The following METAP1D variants were observed in gnomAD, a reference collection of about 807,000 sequenced individuals.
METAP1D encodes the protein methionyl aminopeptidase type 1D, mitochondrial.
In METAP1D, 31 loss-of-function variants were observed where a neutral mutation model predicts 40.5. The ratio of observed to expected loss-of-function variants is 0.77; its 90% CI spans 0.58 to 1.03. METAP1D has a LOEUF of 1.03. Among genes scored for constraint, METAP1D ranks in the 50% least tolerant of loss-of-function variants. METAP1D has a pLI of 0.00. For synonymous variants in METAP1D, 151 were observed against 146.4 expected (o/e 1.03, Z -0.22); for missense variants, 411 against 420.7 (o/e 0.98, Z 0.20).
rs1241394042 is a variant in METAP1D, at chr2:172,080,413, G to A, written c.*7G>A. The A allele has an allele frequency of 1.2e-6, 2 of 1,613,850 alleles. No individual in the cohort carries two copies. Among genetic ancestry groups the A allele is most frequent in the Non-Finnish European group, 1.7e-6 (2 of 1,179,788 alleles). On this transcript the variant is annotated 3_prime_UTR_variant, in exon 10 of 10. Coordinates refer to ENST00000315796, the MANE Select transcript of METAP1D (RefSeq NM_199227.3). ...ACTACCCCATGAGGCCTGAGGAGCC[G>A]CCCGAAGGTCGCGGTGACCTGGTGC...
chr2:172,027,051 T>C (rs926320440), intron 1 of METAP1D, among the ~76,000 whole-genome samples: 1 of 152,172 alleles, frequency 6.6e-6, no homozygotes, highest in Non-Finnish European at 1.5e-5. Context: ...TGAGGTTGGA[T>C]ATGCCAAGAT....
rs2105475065 is a variant in METAP1D at position 172,061,426 on chromosome 2, C to A, written c.41-72C>A. 3.0e-6 allele frequency: 4 copies of A among 1,352,248 alleles called. No individual in the cohort carries two copies. In the East Asian group the frequency reaches 7.1e-5, roughly 24 times the overall value. The allele number at this position is 1,352,248 out of a possible 1,614,324, so 83.8% of individuals were successfully genotyped here. ...TAGAATAATGATTTAATAGACAACA[C>A]CACAACATCTTAAAGTGGAGGACTG... On this transcript the variant is annotated intron_variant, in intron 1 of 9. Coordinates refer to ENST00000315796, the MANE Select transcript of METAP1D (RefSeq NM_199227.3).
chr2:172,004,490 A>G (rs1180444128), intron 1 of METAP1D, among the ~76,000 whole-genome samples: 1 of 151,884 alleles, frequency 6.6e-6, no homozygotes, highest in African/African-American at 2.4e-5. Context: ...TGCCCGGCTA[A>G]TTTTTGTATT....
intron 1 of METAP1D, among the ~76,000 whole-genome samples, chr2:172,033,903 C>A (rs1442811772): frequency 6.6e-6 from 1 of 151,686 alleles, no homozygotes; most frequent in Non-Finnish European, 1.5e-5. Flanking sequence ...TGGTGAAACC[C>A]TGTCTCAACT....
intron 1 of METAP1D, among the ~76,000 whole-genome samples, chr2:172,013,203 C>T (rs747149787): frequency 1.3e-5 from 2 of 152,192 alleles, no homozygotes; most frequent in African/African-American, 2.4e-5. Context: ...CTCCGGCTGT[C>T]GAGCAGCAGG....
At chr2:172,073,233 CTT>C (rs1259180674) in intron 6 of METAP1D, among the ~76,000 whole-genome samples, 1 of 152,096 alleles carries the variant, frequency 6.6e-6, no homozygotes, top group Non-Finnish European at 1.5e-5. Context: ...CGACTTAACT[CTT>C]TACAAAAAAG....
chr2:172,080,220 GCT>G lies in METAP1D; in HGVS notation c.929+17_929+18del. 2.5e-6 allele frequency: 4 copies of G among 1,614,120 alleles called. No individual in the cohort carries two copies. Among genetic ancestry groups the G allele is most frequent in the Non-Finnish European group, 3.4e-6 (4 of 1,179,940 alleles). Reference sequence around the variant, plus strand: ...AGACAATCAAAGGTGTTTGCTTTCTGCTCTGTTGCTTTTAAATTGTATGGGAA... The same window carrying G: ...AGACAATCAAAGGTGTTTGCTTTCTGCTGTTGCTTTTAAATTGTATGGGAA... On this transcript the variant is annotated intron_variant, in intron 9 of 9. Transcript: ENST00000315796.
chr2:172,080,555 CTG>C lies in METAP1D; in HGVS notation c.*150_*151del. 3.9e-6 allele frequency: 3 copies of C among 775,232 alleles called. No individual in the cohort carries two copies. Among genetic ancestry groups the C allele is most frequent in the Admixed American group, 2.4e-5 (1 of 42,470 alleles). The allele number at this position is 775,232 out of a possible 1,614,324, so 48.0% of individuals were successfully genotyped here. A position where few individuals can be genotyped will look rare whatever the true frequency, so the allele number is the denominator to read the frequency against. ...AGCGTTTGGAAGAACGCGGGGGAGACTGAAGAGCAACTGGGAACTCGGATCTG... is the reference window on the plus strand; with the variant it reads ...AGCGTTTGGAAGAACGCGGGGGAGACAAGAGCAACTGGGAACTCGGATCTG... On this transcript the variant is annotated 3_prime_UTR_variant, in exon 10 of 10. Coordinates refer to ENST00000315796, the MANE Select transcript of METAP1D (RefSeq NM_199227.3).
At chr2:172,011,700 T>C (rs1688726547) in intron 1 of METAP1D, among the ~76,000 whole-genome samples, 1 of 152,248 alleles carries the variant, frequency 6.6e-6, no homozygotes, top group Non-Finnish European at 1.5e-5. Flanking sequence ...TCATGGTTCA[T>C]CCCTATTGTG....
At chr2:172,026,205 A>G (rs1414358157) in intron 1 of METAP1D, among the ~76,000 whole-genome samples, 3 of 152,116 alleles carry the variant, frequency 2.0e-5, no homozygotes, top group Non-Finnish European at 4.4e-5. Flanking sequence ...TGATGAAACC[A>G]GGTCATTTGT....
chr2:172,011,401 C>T (rs188877607), intron 1 of METAP1D, among the ~76,000 whole-genome samples: 63 of 151,868 alleles, frequency 4.1e-4, no homozygotes, highest in African/African-American at 1.4e-3. Flanking sequence ...TCTCCTGCCT[C>T]AGCCTCCAGA....
intron 1 of METAP1D, among the ~76,000 whole-genome samples, chr2:172,023,160 C>T (rs1689044982): frequency 1.3e-5 from 2 of 152,290 alleles, no homozygotes; most frequent in South Asian, 4.1e-4. Flanking sequence ...TGTACTCCTG[C>T]CTGGGCAACA....
intron 1 of METAP1D, among the ~76,000 whole-genome samples, chr2:172,007,392 ATGT>A (rs1688612456): frequency 6.6e-6 from 1 of 152,072 alleles, no homozygotes; most frequent in South Asian, 2.1e-4. Context: ...GGTGGAGATT[ATGT>A]TGTTTTTCTT....
chr2:172,029,928 G>A (rs1032927348), intron 1 of METAP1D, among the ~76,000 whole-genome samples: 1 of 151,214 alleles, frequency 6.6e-6, no homozygotes, highest in Non-Finnish European at 1.5e-5. Context: ...GCTAATTTTT[G>A]TATTTTTAGT....
rs143928529 is a variant in METAP1D, at chr2:172,068,939, T to G, written c.541-1968T>G. ...CCTTTTCTTTTTTTACTTTTTCAGA[T>G]ATAGGGTCTTGCTCTGTCACTCAGG... On this transcript the variant is annotated intron_variant, in intron 5 of 9. Coordinates refer to ENST00000315796, the MANE Select transcript of METAP1D (RefSeq NM_199227.3). Among the ~76,000 whole-genome samples, 775 of 151,966 alleles carry G rather than the reference T, an allele frequency of 5.1e-3. 3 individuals carry two copies. Among genetic ancestry groups the G allele is most frequent in the African/African-American group, 0.015 (630 of 41,422 alleles).
intron 6 of METAP1D, among the ~76,000 whole-genome samples, chr2:172,072,005 C>T (rs907534851): frequency 6.6e-6 from 1 of 152,108 alleles, no homozygotes; most frequent in African/African-American, 2.4e-5. Context: ...CTGAATCAAA[C>T]TTTAGTAAAA....
chr2:172,045,699 A>G (rs184395430), intron 1 of METAP1D, among the ~76,000 whole-genome samples: 1,586 of 82,220 alleles, frequency 0.019, 41 homozygotes, highest in Admixed American at 0.062. Context: ...ATTCATATAT[A>G]TGTGTGTGTG....
At chr2:172,036,012 T>A (rs1689366822) in intron 1 of METAP1D, among the ~76,000 whole-genome samples, 1 of 152,090 alleles carries the variant, frequency 6.6e-6, no homozygotes. Flanking sequence ...TTTTGCTGTA[T>A]AGTCTTCTGT....
At chr2:172,038,866 G>A (rs970552978) in intron 1 of METAP1D, among the ~76,000 whole-genome samples, 1 of 152,214 alleles carries the variant, frequency 6.6e-6, no homozygotes, top group East Asian at 1.9e-4. Flanking sequence ...GAGGTCTGAA[G>A]TTAGCCATCA....
Sources: allele counts gnomAD v4.1 joint callset (sites outside exome capture counted in the v4.1 genomes callset), GRCh38; gene constraint gnomAD v4.1.1; transcripts MANE v1.5; gene names NCBI Gene and HGNC (gene_info 2026-07-23, HGNC 2026-07-21).